TCF7L2: variants seen among roughly 807,000 people sequenced by gnomAD.
The protein encoded by TCF7L2 is transcription factor 7-like 2.
In TCF7L2, 23 loss-of-function variants were observed where a neutral mutation model predicts 77.9. The observed-to-expected ratio is 0.30, with a 90% CI of 0.21 to 0.42. TCF7L2 has a LOEUF of 0.42. TCF7L2 is among the 10% of genes least tolerant of loss of function. TCF7L2 has a pLI of 1.00. For missense variants in TCF7L2, 654 were observed against 793.1 expected (o/e 0.82, Z 2.11); for synonymous variants, 413 against 340.2 (o/e 1.21, Z -2.36).
At chr10:113,161,399 A>C in intron 13 of TCF7L2, 1 of 647,772 alleles carries the variant, frequency 1.5e-6, no homozygotes, top group Non-Finnish European at 2.7e-6. Context: ...AGAACAGCCC[A>C]GAAGTGTCCA....
At chr10:113,014,290 G>A (rs2046964693) in intron 4 of TCF7L2, among the ~76,000 whole-genome samples, 1 of 152,146 alleles carries the variant, frequency 6.6e-6, no homozygotes, top group African/African-American at 2.4e-5. Context: ...CATAGCAGGG[G>A]GCTTCAGGGA....
At chr10:113,162,430 T>C (rs2137527481) in intron 13 of TCF7L2, among the ~76,000 whole-genome samples, 1 of 152,272 alleles carries the variant, frequency 6.6e-6, no homozygotes, top group South Asian at 2.1e-4. Flanking sequence ...GCATCCCCCA[T>C]TTGGGCATAG....
At chr10:113,022,332 C>G (rs2048387911) in intron 4 of TCF7L2, among the ~76,000 whole-genome samples, 1 of 152,166 alleles carries the variant, frequency 6.6e-6, no homozygotes, top group African/African-American at 2.4e-5. Context: ...GCTGGGCTTG[C>G]AAGCATTTAA....
At chr10:112,964,822 T>TGGTGGTGATGGTGGTGGTGG (rs1554875168) in intron 4 of TCF7L2, among the ~76,000 whole-genome samples, 198 bp downstream of exon 4, 1 of 73,564 alleles carries the variant, frequency 1.4e-5, no homozygotes, top group African/African-American at 5.5e-5. Flanking sequence ...TGGGGGGGGG[T>TGGTGGTGATGGTGGTGGTGG]TGAATCACTG....
intron 5 of TCF7L2, among the ~76,000 whole-genome samples, chr10:113,085,609 C>T (rs1379394161): frequency 6.6e-6 from 1 of 152,170 alleles, no homozygotes. Flanking sequence ...TAATGGAATA[C>T]ACAAATATTA....
chr10:113,034,970 T>TCCCTTTCCTC (rs1158960085), intron 4 of TCF7L2, among the ~76,000 whole-genome samples: 21 of 151,244 alleles, frequency 1.4e-4, no homozygotes, highest in Admixed American at 5.9e-4. Context: ...CTCCCCTCCT[T>TCCCTTTCCTC]CCCTTTCCTC....
At chr10:112,999,834 C>A (rs1005223320) in intron 4 of TCF7L2, among the ~76,000 whole-genome samples, 1 of 152,194 alleles carries the variant, frequency 6.6e-6, no homozygotes, top group African/African-American at 2.4e-5. Context: ...CGTGTTAGAA[C>A]TAGGACACAC....
intron 5 of TCF7L2, among the ~76,000 whole-genome samples, chr10:113,116,068 A>G (rs2063694752): frequency 6.6e-6 from 1 of 152,162 alleles, no homozygotes; most frequent in African/African-American, 2.4e-5. Context: ...TTTCTAAGAA[A>G]AGGTAGATGT....
At chr10:113,076,418 G>A (rs1037345467) in intron 5 of TCF7L2, among the ~76,000 whole-genome samples, 3 of 152,130 alleles carry the variant, frequency 2.0e-5, no homozygotes, top group Non-Finnish European at 2.9e-5. Context: ...GATTACATGC[G>A]TGAAACACCA....
intron 7 of TCF7L2, among the ~76,000 whole-genome samples, chr10:113,144,774 A>G (rs2069020763): frequency 6.6e-6 from 1 of 152,202 alleles, no homozygotes; most frequent in Non-Finnish European, 1.5e-5. Flanking sequence ...TTATTTGACT[A>G]ACTTTTGCAA....
chr10:113,032,676 G>A (rs2050450616), intron 4 of TCF7L2, among the ~76,000 whole-genome samples: 1 of 152,180 alleles, frequency 6.6e-6, no homozygotes. Context: ...AACACATCCG[G>A]TATGCTGGAG....
intron 8 of TCF7L2, among the ~76,000 whole-genome samples, chr10:113,147,915 G>A (rs573782640): frequency 3.7e-4 from 56 of 152,192 alleles, no homozygotes; most frequent in Middle Eastern, 6.8e-3. Flanking sequence ...CTCAAGGTGC[G>A]GGGAGAGGCG....
intron 5 of TCF7L2, among the ~76,000 whole-genome samples, chr10:113,130,235 A>G (rs2066371068): frequency 6.6e-6 from 1 of 152,214 alleles, no homozygotes; most frequent in African/African-American, 2.4e-5. Context: ...TCTCACTTTC[A>G]TCACAGTCCT....
chr10:113,126,806 T>TGGGCAGCATCTGGGCGC (rs2065699849), intron 5 of TCF7L2: 3 of 986,022 alleles, frequency 3.0e-6, no homozygotes, highest in Non-Finnish European at 2.4e-6. Flanking sequence ...GCGCGGGCCC[T>TGGGCAGCATCTGGGCGC]GGGCAGCATC....
At chr10:113,121,728 GCACACATACACACAACACACA>G (rs2064811679) in intron 5 of TCF7L2, among the ~76,000 whole-genome samples, 1 of 151,114 alleles carries the variant, frequency 6.6e-6, no homozygotes, top group East Asian at 2.0e-4. Flanking sequence ...ACTTGCACAC[GCACACATACACACAACACACA>G]CACACGTGCA....
chr10:113,073,503 C>CAAAAAAAAAAA (rs35730806), intron 5 of TCF7L2, among the ~76,000 whole-genome samples: 7 of 43,966 alleles, frequency 1.6e-4, no homozygotes, highest in Admixed American at 3.0e-4. Context: ...CGGTCTCTAC[C>CAAAAAAAAAAA]AAAAAAAAAA....
chr10:112,959,418 A>G (rs973103923), intron 3 of TCF7L2, among the ~76,000 whole-genome samples: 2 of 152,240 alleles, frequency 1.3e-5, no homozygotes, highest in Non-Finnish European at 2.9e-5. Context: ...CAGGTTGAGG[A>G]AAAGAAAAAT....
intron 4 of TCF7L2, among the ~76,000 whole-genome samples, chr10:112,979,205 A>T (rs562906512): frequency 6.6e-6 from 1 of 152,156 alleles, no homozygotes; most frequent in Non-Finnish European, 1.5e-5. Context: ...GAGCTTGGCA[A>T]TGGACCGCCA....
intron 4 of TCF7L2, among the ~76,000 whole-genome samples, chr10:112,988,613 T>G (rs925334076): frequency 6.6e-6 from 1 of 152,208 alleles, no homozygotes; most frequent in Non-Finnish European, 1.5e-5. Flanking sequence ...CTTAGTATTA[T>G]CACTAATGCA....
Sources: allele counts gnomAD v4.1 joint callset (sites outside exome capture counted in the v4.1 genomes callset), GRCh38; gene constraint gnomAD v4.1.1; transcripts MANE v1.5; gene names NCBI Gene and HGNC (gene_info 2026-07-23, HGNC 2026-07-21).